Variants in ADGRG1 observed in about 807,000 individuals in gnomAD.
ADGRG1 encodes 7-transmembrane protein with no EGF-like N-terminal domains-1.
Under a neutral mutation model 73.5 loss-of-function variants are expected in ADGRG1, and 53 were observed. The observed-to-expected ratio is 0.72, with a 90% confidence interval of 0.58 to 0.91. ADGRG1 has a LOEUF of 0.91. ADGRG1 is among the 40% of genes least tolerant of loss of function. The pLI is 0.00. For missense variants in ADGRG1, 795 were observed against 871.8 expected (o/e 0.91, Z 1.11); for synonymous variants, 394 against 374.4 (o/e 1.05, Z -0.60).
rs1410079322 is a variant in ADGRG1 at position 57,631,793 on chromosome 16, TG to T, written c.-36+2992del. The T allele has an allele frequency of 3.0e-6, 3 of 985,654 alleles. No homozygotes were observed. The African/African-American group carries it at 5.2e-5, about 17-fold the overall frequency. The allele number at this position is 985,654 out of a possible 1,614,324, so 61.1% of individuals were successfully genotyped here. ...CCTTTCTCCTGAGCCGTCACTTGGC[TG>T]AGACCCTGCCCCTCCTCCTGTCTCT... On this transcript the variant is annotated intron_variant, in intron 1 of 13. Transcript: ENST00000562631.
intron 1 of ADGRG1, chr16:57,643,796 T>C: frequency 1.0e-6 from 1 of 983,922 alleles, no homozygotes; most frequent in South Asian, 4.7e-5. Flanking sequence ...CGTCACTCAC[T>C]TGGGGAGTGG....
At chr16:57,655,553 C>A in intron 6 of ADGRG1, 23 bp downstream of exon 6, 1 of 1,612,874 alleles carries the variant, frequency 6.2e-7, no homozygotes, top group African/African-American at 1.3e-5. Flanking sequence ...CACCCTCATG[C>A]CTCCCAGGAG....
chr16:57,633,982 T>C, intron 1 of ADGRG1: 6 of 661,700 alleles, frequency 9.1e-6, no homozygotes, highest in Non-Finnish European at 9.4e-6. Flanking sequence ...AGTGAGTTAA[T>C]GTGACCCTGG....
At chr16:57,660,621 G>A in intron 11 of ADGRG1, 147 bp from the exon 12 acceptor site, 1 of 1,509,064 alleles carries the variant, frequency 6.6e-7, no homozygotes, top group Admixed American at 2.0e-5. Context: ...TCCAAACTTG[G>A]GGGAACTTCC....
chr16:57,647,011 AG>A (rs2148041969), intron 1 of ADGRG1: 1 of 941,102 alleles, frequency 1.1e-6, no homozygotes, highest in Non-Finnish European at 1.2e-6. Context: ...AGGCAGAGAC[AG>A]GTCAGGTCCC....
intron 1 of ADGRG1, chr16:57,636,269 C>T (rs1439290942): frequency 2.0e-6 from 2 of 985,218 alleles, no homozygotes; most frequent in African/African-American, 3.5e-5. Context: ...TCAGTGCTCA[C>T]AGATTCAGAT....
intron 1 of ADGRG1, chr16:57,639,708 C>T (rs1478930974): frequency 1.0e-6 from 1 of 952,940 alleles, no homozygotes; most frequent in Non-Finnish European, 1.2e-6. Context: ...CCTCCCCGTC[C>T]CTTTCACTCC....
intron 1 of ADGRG1, among the ~76,000 whole-genome samples, chr16:57,633,778 T>C (rs1448147393): frequency 6.6e-6 from 1 of 152,182 alleles, no homozygotes; most frequent in Non-Finnish European, 1.5e-5. Flanking sequence ...GCCTTGTTCT[T>C]AGAGAGCATT....
At chr16:57,626,677 C>A (rs951555259), upstream of ADGRG1, 4 of 985,358 alleles carry the variant, frequency 4.1e-6, no homozygotes, top group Non-Finnish European at 4.8e-6. Flanking sequence ...CTTCAACTCT[C>A]CATCTGTGCC....
At chr16:57,659,213 G>A (rs1248158871) in intron 10 of ADGRG1, 200 bp from the exon 11 acceptor site, 33 of 985,328 alleles carry the variant, frequency 3.3e-5, no homozygotes, top group Non-Finnish European at 4.0e-5. Flanking sequence ...TGAGTCTGTG[G>A]GTGCTGGGCA....
At chr16:57,636,831 G>A in intron 1 of ADGRG1, 1 of 342,312 alleles carries the variant, frequency 2.9e-6, no homozygotes, top group Non-Finnish European at 4.1e-6. Flanking sequence ...CTGAGCAAGG[G>A]ATAACAGGTA....
At chr16:57,652,695 A>G in intron 3 of ADGRG1, 3 of 993,558 alleles carry the variant, frequency 3.0e-6, no homozygotes, top group African/African-American at 3.5e-5. Context: ...TCAGTGGCAC[A>G]GAAAGTATAC....
In ADGRG1 at chr16:57,635,411, G is replaced by A. The variant is rs546610786; in HGVS notation, c.-36+6609G>A. 42 of 985,404 alleles carry A rather than the reference G, an allele frequency of 4.3e-5. No homozygotes were observed. The African/African-American group carries it at 7.0e-4, about 16-fold the overall frequency. 61.0% of individuals were successfully genotyped at this position (985,404 alleles called of 1,614,324 possible). A position where few individuals can be genotyped will look rare whatever the true frequency, so the allele number is the denominator to read the frequency against. On this transcript the variant is annotated intron_variant, in intron 1 of 13. Transcript: ENST00000562631. The stretch of plus-strand genomic sequence containing the variant: ...GCCTCCTGGCACCTTAAGTGGAGGT[G>A]GTGGGAGCTGGGACCAGTGCAGCAC...
chr16:57,630,131 G>T (rs1042588531), intron 1 of ADGRG1: 15 of 587,084 alleles, frequency 2.6e-5, no homozygotes, highest in Admixed American at 2.5e-4. Context: ...GGCAAATAAG[G>T]TATCTCAGAA....
chr16:57,653,381 G>C (rs757648182), intron 4 of ADGRG1, 46 bp downstream of exon 4: 1 of 1,600,712 alleles, frequency 6.2e-7, no homozygotes, highest in Non-Finnish European at 8.5e-7. Context: ...GAAGGCATCA[G>C]AGATCTGGAC....
At chr16:57,660,264 T>C in intron 11 of ADGRG1, 1 of 985,358 alleles carries the variant, frequency 1.0e-6, no homozygotes, top group East Asian at 1.1e-4. Context: ...CGCGGGTTTG[T>C]CATTGGGCCC....
chr16:57,633,999 G>C lies in ADGRG1; in HGVS notation c.-36+5197G>C, dbSNP rs186341036. On this transcript the variant is annotated intron_variant, in intron 1 of 13. Coordinates refer to ENST00000562631, the MANE Select transcript of ADGRG1 (RefSeq NM_201525.4). ...TGAGTTAATGTGACCCTGGGCTGGG[G>C]AGCTGAGCTGGAGCCATTACCCACA... The C allele has an allele frequency of 5.0e-6, 4 of 806,202 alleles. No homozygotes were observed. The East Asian group carries it at 5.0e-4, about 100-fold the overall frequency. 49.9% of individuals were successfully genotyped at this position (806,202 alleles called of 1,614,324 possible).
At chr16:57,622,844 G>C (rs974269809), upstream of ADGRG1, 11 of 985,240 alleles carry the variant, frequency 1.1e-5, no homozygotes, top group African/African-American at 1.6e-4. Context: ...GGGGAGGTCA[G>C]CAGGCGGGGG....
intron 11 of ADGRG1, chr16:57,660,517 C>T (rs1256917022): frequency 1.4e-5 from 10 of 725,576 alleles, no homozygotes; most frequent in Non-Finnish European, 1.7e-5. Context: ...GGCCTTTCTC[C>T]CAGGGGCCCC....
Sources: allele counts gnomAD v4.1 joint callset (sites outside exome capture counted in the v4.1 genomes callset), GRCh38; gene constraint gnomAD v4.1.1; transcripts MANE v1.5; gene names NCBI Gene and HGNC (gene_info 2026-07-23, HGNC 2026-07-21).